Variants in MALT1 observed in about 807,000 individuals in gnomAD.
The protein encoded by MALT1 is MALT1 paracaspase, also known as mucosa-associated lymphoid tissue lymphoma translocation protein 1.
Under a neutral mutation model 85.5 loss-of-function variants are expected in MALT1, and 36 were observed. That is an observed-to-expected ratio of 0.42 (90% CI 0.32 to 0.56). The LOEUF (loss-of-function observed/expected upper bound fraction) is 0.56, where lower values mean the gene tolerates loss of function less well. Among genes scored for constraint, MALT1 ranks in the 20% least tolerant of loss-of-function variants. The pLI, the probability that MALT1 is intolerant of heterozygous loss-of-function variation, is 0.10. For missense variants in MALT1, 716 were observed against 981.6 expected, an observed-to-expected ratio of 0.73 and a Z score of 3.62; for synonymous variants, 359 against 361.3, an observed-to-expected ratio of 0.99 and a Z score of 0.07.
chr18:58,672,690 C>A (rs989364943), intron 1 of MALT1: 2 of 151,960 alleles, frequency 1.3e-5, no homozygotes, highest in African/African-American at 4.8e-5. Context: ...CGTGGAAAAA[C>A]AAATTTTCCA....
At chr18:58,716,875 TC>T (rs759751333) in intron 9 of MALT1, among the ~76,000 whole-genome samples, 6 of 152,182 alleles carry the variant, frequency 3.9e-5, no homozygotes, top group Non-Finnish European at 8.8e-5. Flanking sequence ...TAGAGCAAGT[TC>T]CTAGAAGAGA....
chr18:58,688,359 G>T (rs559960224), intron 2 of MALT1, among the ~76,000 whole-genome samples: 1 of 150,776 alleles, frequency 6.6e-6, no homozygotes, highest in East Asian at 2.0e-4. Context: ...TGCAGGACAG[G>T]CTTATAAACT....
In MALT1 at chr18:58,703,084, C is replaced by T. The variant is rs1400307357; in HGVS notation, c.649+2493C>T. On this transcript the variant is annotated intron_variant, in intron 4 of 16. Coordinates refer to ENST00000649217, the MANE Select transcript of MALT1 (RefSeq NM_006785.4). ...GTTGAGAAATAAAATATCGGTCAGG[C>T]GCAATGGCTCACACCAGTACTCCCA... 2.0e-5 allele frequency among the ~76,000 whole-genome samples: 3 copies of T among 152,274 alleles called. No individual in the cohort carries two copies. The East Asian group carries it at 5.8e-4, about 29-fold the overall frequency.
intron 2 of MALT1, among the ~76,000 whole-genome samples, chr18:58,689,523 G>T (rs905734211): frequency 6.6e-6 from 1 of 152,174 alleles, no homozygotes; most frequent in Non-Finnish European, 1.5e-5. Context: ...CCATATGTGG[G>T]CACAATTCTA....
At chr18:58,727,641 T>TTTTTTG in intron 10 of MALT1, among the ~76,000 whole-genome samples, 1 of 150,652 alleles carries the variant, frequency 6.6e-6, no homozygotes, top group East Asian at 1.9e-4. Context: ...TTTTTTTTTT[T>TTTTTTG]TGAGGAAAAA....
At chr18:58,706,552 A>G (rs781326667) in intron 4 of MALT1, among the ~76,000 whole-genome samples, 1 of 152,226 alleles carries the variant, frequency 6.6e-6, no homozygotes, top group Non-Finnish European at 1.5e-5. Context: ...CCAGGTTGCT[A>G]TCAAGTAAAA....
intron 13 of MALT1, among the ~76,000 whole-genome samples, chr18:58,740,341 GTTTA>G (rs1413897244): frequency 8.5e-5 from 13 of 152,154 alleles, no homozygotes; most frequent in African/African-American, 2.4e-4. Flanking sequence ...AACTTCTGCT[GTTTA>G]TTTATGTCTT....
At chr18:58,729,867 T>C (rs994780427) in intron 10 of MALT1, among the ~76,000 whole-genome samples, 4 of 152,220 alleles carry the variant, frequency 2.6e-5, no homozygotes, top group African/African-American at 4.8e-5. Flanking sequence ...GACTATAGAA[T>C]GTCAGGAAAA....
intron 1 of MALT1, 84 bp downstream of exon 1, chr18:58,671,936 C>T: frequency 1.0e-6 from 1 of 992,550 alleles, no homozygotes; most frequent in Non-Finnish European, 1.3e-6. Context: ...GTCGGTGGGG[C>T]TGAGCGCGGC....
intron 10 of MALT1, among the ~76,000 whole-genome samples, chr18:58,729,241 G>A (rs2055109284): frequency 1.3e-5 from 2 of 152,142 alleles, no homozygotes; most frequent in Admixed American, 1.3e-4. Flanking sequence ...TGTAATCCCA[G>A]CACTTTGGGA....
chr18:58,675,016 TA>T (rs1481635805), intron 1 of MALT1, among the ~76,000 whole-genome samples: 1 of 152,208 alleles, frequency 6.6e-6, no homozygotes, highest in African/African-American at 2.4e-5. Flanking sequence ...TGACTCAGAG[TA>T]AATCCTTGTT....
At chr18:58,730,475 T>C (rs1247508775) in intron 10 of MALT1, among the ~76,000 whole-genome samples, 1 of 152,252 alleles carries the variant, frequency 6.6e-6, no homozygotes, top group Non-Finnish European at 1.5e-5. Context: ...TTGTAGCATG[T>C]ACTAGAACTT....
At chr18:58,740,457 C>A (rs1220728909) in intron 13 of MALT1, among the ~76,000 whole-genome samples, 1 of 152,068 alleles carries the variant, frequency 6.6e-6, no homozygotes, top group African/African-American at 2.4e-5. Flanking sequence ...TCTCTTAAAA[C>A]ATCACTTTCA....
rs1406605619 is a variant in MALT1, at chr18:58,753,856, C to A, written c.*6014C>A. 6.6e-6 allele frequency: 1 copy of A among 152,136 alleles called. No homozygotes were observed. The highest frequency in any genetic ancestry group is 1.5e-5 in the Non-Finnish European group (1 of 68,008). 9.4% of individuals were successfully genotyped at this position (152,136 alleles called of 1,614,324 possible). Reference sequence around the variant, plus strand: ...AAAAGTACAGTGTCATTACAGAGTGCTTATTCTGTTACAAAATTAGTAAAG... The same window carrying A: ...AAAAGTACAGTGTCATTACAGAGTGATTATTCTGTTACAAAATTAGTAAAG... On this transcript the variant is annotated 3_prime_UTR_variant, in exon 17 of 17. Coordinates refer to ENST00000649217, the MANE Select transcript of MALT1 (RefSeq NM_006785.4).
At chr18:58,709,670 C>A (rs941143943) in intron 5 of MALT1, 114 bp downstream of exon 5, 3 of 926,834 alleles carry the variant, frequency 3.2e-6, no homozygotes, top group Admixed American at 6.9e-5. Flanking sequence ...TTAATGTTTT[C>A]AGTATTTTTA....
At chr18:58,735,373 C>T in intron 13 of MALT1, 44 bp downstream of exon 13, 2 of 1,559,048 alleles carry the variant, frequency 1.3e-6, no homozygotes, top group East Asian at 4.5e-5. Flanking sequence ...AAAAGGAGAG[C>T]AGGGGAGACA....
chr18:58,706,136 C>T (rs1481140080), intron 4 of MALT1, among the ~76,000 whole-genome samples: 1 of 152,068 alleles, frequency 6.6e-6, no homozygotes, highest in Non-Finnish European at 1.5e-5. Context: ...CAGGCGCCCG[C>T]CACCACGCCT....
chr18:58,692,236 T>G (rs2144340125), intron 2 of MALT1: 1 of 152,262 alleles, frequency 6.6e-6, no homozygotes, highest in East Asian at 1.9e-4. Flanking sequence ...CCCTGGAGCC[T>G]CAGTGCTCAT....
Position 58,747,847 on chromosome 18 carries a change from C to G in MALT1, c.*5C>G, listed in dbSNP as rs1289570547. The G allele has an allele frequency of 1.2e-5, 19 of 1,607,472 alleles. No homozygotes were observed. Among genetic ancestry groups the G allele is most frequent in the Non-Finnish European group, 1.4e-5 (16 of 1,175,766 alleles). On this transcript the variant is annotated 3_prime_UTR_variant, in exon 17 of 17. Coordinates refer to ENST00000649217, the MANE Select transcript of MALT1 (RefSeq NM_006785.4). ...CTCAGAATTTCTGAAAAATGACCTC[C>G]TTGTTTTTGAAAGTTAGCATAATTT... is the stretch of plus-strand genomic sequence containing the variant.
Sources: gnomAD v4.1 joint callset for allele counts (sites outside exome capture counted in the v4.1 genomes callset) on GRCh38, gnomAD v4.1.1 for gene constraint, MANE v1.5 for transcripts, NCBI Gene and HGNC (gene_info 2026-07-23, HGNC 2026-07-21) for gene names.